GFRA1: variants seen among roughly 807,000 people sequenced by gnomAD.
GFRA1 encodes the protein GDNF family receptor alpha 1, also known as GDNF family receptor alpha-1.
GFRA1 carries 16 observed loss-of-function variants against 51.6 expected under a neutral mutation model. That is an observed-to-expected ratio of 0.31 (90% confidence interval 0.21 to 0.47). GFRA1 has a LOEUF of 0.47. Among genes scored for constraint, GFRA1 ranks in the 20% least tolerant of loss-of-function variants. The pLI, the probability that GFRA1 is intolerant of heterozygous loss-of-function variation, is 1.00. For synonymous variants in GFRA1, 270 were observed against 241.3 expected (o/e 1.12, Z -1.10); for missense variants, 530 against 594.3 (o/e 0.89, Z 1.13).
intron 6 of GFRA1, among the ~76,000 whole-genome samples, chr10:116,112,174 A>AT (rs1469652778): frequency 2.6e-5 from 4 of 152,142 alleles, no homozygotes; most frequent in African/African-American, 7.2e-5. Context: ...TGTCCATTCG[A>AT]TTTTGCCTTA....
rs181180118 is a variant in GFRA1, at chr10:116,144,923, C to T, written c.434-19366G>A. Among the ~76,000 whole-genome samples, 1,030 of 151,698 alleles carry T rather than the reference C, an allele frequency of 6.8e-3. 10 individuals are homozygous for T. Among genetic ancestry groups the T allele is most frequent in the South Asian group, 0.023 (109 of 4,784 alleles). ...CAGCACTTTGGGAGGCTGAGGAGGG[C>T]GGATCATCTGAGGTCAGGAGTTCGA... On this transcript the variant is annotated intron_variant, in intron 5 of 10. Coordinates refer to ENST00000355422, the MANE Select transcript of GFRA1 (RefSeq NM_005264.8).
intron 6 of GFRA1, among the ~76,000 whole-genome samples, chr10:116,115,374 C>G (rs567789103): frequency 2.0e-5 from 3 of 151,918 alleles, no homozygotes; most frequent in African/African-American, 7.3e-5. Context: ...GCCAGAGGAC[C>G]CTCCTGGCAG....
At chr10:116,144,959 G>A (rs1958731474) in intron 5 of GFRA1, among the ~76,000 whole-genome samples, 1 of 151,580 alleles carries the variant, frequency 6.6e-6, no homozygotes, top group Non-Finnish European at 1.5e-5. Flanking sequence ...GACCAACCTG[G>A]TCAACATGAC....
At position 116,182,366 on chromosome 10, in the gene GFRA1, A is replaced by G. The variant is rs188773405; in HGVS notation, c.433+29265T>C. On this transcript the variant is annotated intron_variant, in intron 5 of 10. Coordinates refer to ENST00000355422, the MANE Select transcript of GFRA1 (RefSeq NM_005264.8). ...TGTATTGCATATTTAGTTAAGAGCA[A>G]ATATTTTAAGTGGCAGAGCTTGGAC... 3.3e-5 allele frequency among the ~76,000 whole-genome samples: 5 copies of G among 152,344 alleles called. No homozygotes were observed. The East Asian group carries it at 9.6e-4, about 29-fold the overall frequency.
intron 5 of GFRA1, among the ~76,000 whole-genome samples, chr10:116,196,794 A>G (rs574346671): frequency 8.5e-6 from 1 of 118,334 alleles, no homozygotes; most frequent in South Asian, 2.4e-4. Flanking sequence ...TATAATATAT[A>G]ATACATATAT....
intron 6 of GFRA1, among the ~76,000 whole-genome samples, chr10:116,099,756 G>T (rs972153454): frequency 1.3e-5 from 2 of 152,166 alleles, no homozygotes; most frequent in South Asian, 2.1e-4. Flanking sequence ...CAATCTAGGT[G>T]CCAAGAAAAA....
chr10:116,180,035 G>A (rs886068591), intron 5 of GFRA1, among the ~76,000 whole-genome samples: 2 of 152,096 alleles, frequency 1.3e-5, no homozygotes, highest in Non-Finnish European at 2.9e-5. Flanking sequence ...CCGGCAATCC[G>A]CAATTTGTCA....
At chr10:116,080,506 TA>T (rs1955803988) in intron 9 of GFRA1, among the ~76,000 whole-genome samples, 1 of 152,282 alleles carries the variant, frequency 6.6e-6, no homozygotes, top group African/African-American at 2.4e-5. Flanking sequence ...ATAAAACATT[TA>T]AAAAATAAAA....
At position 116,257,379 on chromosome 10, in the gene GFRA1, C is replaced by T. The variant is rs113718095; in HGVS notation, c.418+12124G>A. Among the ~76,000 whole-genome samples the T allele has an allele frequency of 6.9e-3, 1,047 of 151,872 alleles. 12 individuals are homozygous for T. Among genetic ancestry groups the T allele is most frequent in the African/African-American group, 0.024 (1,009 of 41,386 alleles). On this transcript the variant is annotated intron_variant, in intron 4 of 10. Coordinates refer to ENST00000355422, the MANE Select transcript of GFRA1 (RefSeq NM_005264.8). ...ACTCCTGCCCCTCTATCCTCCCTGC[C>T]CTCGGCACCTAAATGCTGGGCTCTG...
rs201341305 is a variant in GFRA1, at chr10:116,064,076, G to C, written c.*322C>G. On this transcript the variant is annotated 3_prime_UTR_variant, in exon 11 of 11. Transcript: ENST00000355422. ...TCATGATGATCATCATCATGATCATGATGATCATCATCATGATCATCATCA... is the reference window on the plus strand; with the variant it reads ...TCATGATGATCATCATCATGATCATCATGATCATCATCATGATCATCATCA... 3.4e-5 allele frequency: 4 copies of C among 118,048 alleles called. No individual in the cohort carries two copies. Among genetic ancestry groups the C allele is most frequent in the Non-Finnish European group, 5.6e-5 (4 of 71,574 alleles). 7.3% of individuals were successfully genotyped at this position (118,048 alleles called of 1,614,324 possible).
At chr10:116,235,568 G>A (rs773729615) in intron 4 of GFRA1, among the ~76,000 whole-genome samples, 18 of 151,996 alleles carry the variant, frequency 1.2e-4, no homozygotes, top group Non-Finnish European at 2.4e-4. Flanking sequence ...AGACTGTGGG[G>A]GGTGGTCCAC....
intron 4 of GFRA1, among the ~76,000 whole-genome samples, chr10:116,263,263 T>C (rs79532081): frequency 6.6e-6 from 1 of 152,318 alleles, no homozygotes; most frequent in East Asian, 1.9e-4. Flanking sequence ...AGTCCCAGTC[T>C]TGAGTCAGGA....
At chr10:116,239,143 A>G (rs1376122018) in intron 4 of GFRA1, among the ~76,000 whole-genome samples, 1 of 152,236 alleles carries the variant, frequency 6.6e-6, no homozygotes, top group Non-Finnish European at 1.5e-5. Context: ...TTCATTTAAA[A>G]TGTTTATATT....
At chr10:116,228,485 T>C (rs1045287849) in intron 4 of GFRA1, among the ~76,000 whole-genome samples, 1 of 152,164 alleles carries the variant, frequency 6.6e-6, no homozygotes. Context: ...TTACTTTACA[T>C]GGCAAATGAG....
intron 5 of GFRA1, among the ~76,000 whole-genome samples, chr10:116,168,185 GT>G (rs1200980751): frequency 2.7e-5 from 4 of 147,700 alleles, no homozygotes; most frequent in Non-Finnish European, 5.9e-5. Context: ...AAGTGTGATT[GT>G]CATTCAACAA....
chr10:116,099,125 G>A (rs1255166625), intron 6 of GFRA1, among the ~76,000 whole-genome samples: 1 of 152,182 alleles, frequency 6.6e-6, no homozygotes, highest in Non-Finnish European at 1.5e-5. Flanking sequence ...CACATGTTAC[G>A]GATGGAAACA....
intron 9 of GFRA1, among the ~76,000 whole-genome samples, chr10:116,085,615 C>T (rs576478682): frequency 3.3e-5 from 5 of 152,270 alleles, no homozygotes; most frequent in African/African-American, 1.2e-4. Context: ...GAGCCCTCCG[C>T]CCAGGCAAGA....
chr10:116,084,516 G>A (rs1956000321), intron 9 of GFRA1, among the ~76,000 whole-genome samples: 1 of 152,118 alleles, frequency 6.6e-6, no homozygotes, highest in Non-Finnish European at 1.5e-5. Context: ...TGTGCCCCAC[G>A]GTCTGTCACG....
intron 5 of GFRA1, among the ~76,000 whole-genome samples, chr10:116,133,212 G>A (rs779200095): frequency 2.0e-5 from 3 of 151,902 alleles, no homozygotes; most frequent in Non-Finnish European, 2.9e-5. Context: ...TCCAGCCTCG[G>A]CTCTGTATTA....
Sources: gnomAD v4.1 joint callset for allele counts (sites outside exome capture counted in the v4.1 genomes callset) on GRCh38, gnomAD v4.1.1 for gene constraint, MANE v1.5 for transcripts, NCBI Gene and HGNC (gene_info 2026-07-23, HGNC 2026-07-21) for gene names.